The following ARFGAP3 variants were observed in gnomAD, a reference collection of about 807,000 sequenced individuals.
ARFGAP3 encodes the protein ADP-ribosylation factor GTPase-activating protein 3.
A neutral mutation model predicts 75.0 loss-of-function variants in ARFGAP3; 72 were observed. That is an observed-to-expected ratio of 0.96 (90% confidence interval 0.79 to 1.17). ARFGAP3 has a LOEUF of 1.17. Ranked by LOEUF, ARFGAP3 falls within the 50% of genes most tolerant of loss-of-function variation. The pLI is 0.00. For synonymous variants in ARFGAP3, 221 were observed against 217.9 expected (o/e 1.01, Z -0.13); for missense variants, 620 against 626.6 (o/e 0.99, Z 0.11).
rs71186547 is a variant in ARFGAP3, at chr22:42,837,675, C to CTTTTTTTTTTTTTTTTTTTTTTTTTTT, written c.262-2183_262-2182insAAAAAAAAAAAAAAAAAAAAAAAAAAA. The stretch of plus-strand genomic sequence containing the variant: ...GCCTTGAAACATCTAAGGCATACTT[C>CTTTTTTTTTTTTTTTTTTTTTTTTTTT]TTTTTTTTTTTTTTTTTTTTTTGAG... On this transcript the variant is annotated intron_variant, in intron 3 of 15. Transcript: ENST00000263245. Among the ~76,000 whole-genome samples, 18 of 75,662 alleles carry CTTTTTTTTTTTTTTTTTTTTTTTTTTT rather than the reference C, an allele frequency of 2.4e-4. 2 individuals carry two copies. Among genetic ancestry groups the CTTTTTTTTTTTTTTTTTTTTTTTTTTT allele is most frequent in the African/African-American group, 3.1e-4 (5 of 16,054 alleles). 49.6% of individuals were successfully genotyped at this position (75,662 alleles called of 152,430 possible). A position where few individuals can be genotyped will look rare whatever the true frequency, so the allele number is the denominator to read the frequency against.
intron 2 of ARFGAP3, among the ~76,000 whole-genome samples, chr22:42,842,011 C>CTTTTTTTTT (rs55825441): frequency 1.1e-5 from 1 of 91,252 alleles, no homozygotes; most frequent in Non-Finnish European, 2.0e-5. Flanking sequence ...CCATGCCGGG[C>CTTTTTTTTT]TTTTTTTTTT....
intron 2 of ARFGAP3, among the ~76,000 whole-genome samples, chr22:42,841,718 C>T (rs1262677919): frequency 6.6e-6 from 1 of 152,102 alleles, no homozygotes; most frequent in African/African-American, 2.4e-5. Flanking sequence ...TAATAGCTTG[C>T]CCTACACTAA....
intron 2 of ARFGAP3, among the ~76,000 whole-genome samples, chr22:42,842,974 C>T (rs569567403): frequency 2.0e-5 from 3 of 152,146 alleles, no homozygotes; most frequent in African/African-American, 7.2e-5. Context: ...ACACCCTGTA[C>T]GGCAGGTCCT....
chr22:42,849,605 C>T (rs189116924), intron 1 of ARFGAP3, among the ~76,000 whole-genome samples: 127 of 146,930 alleles, frequency 8.6e-4, no homozygotes, highest in East Asian at 7.9e-3. Context: ...GCTCTGTCAC[C>T]TAGGTTGGAG....
At chr22:42,850,296 G>T (rs1266260270) in intron 1 of ARFGAP3, among the ~76,000 whole-genome samples, 1 of 151,954 alleles carries the variant, frequency 6.6e-6, no homozygotes, top group Non-Finnish European at 1.5e-5. Context: ...TATAGGCTGG[G>T]TGCAGTGGCT....
intron 14 of ARFGAP3, among the ~76,000 whole-genome samples, chr22:42,805,214 A>G (rs1194899660): frequency 6.6e-6 from 1 of 152,178 alleles, no homozygotes; most frequent in Admixed American, 6.5e-5. Flanking sequence ...AAAAAATTTA[A>G]TGGATCTTTG....
At chr22:42,829,836 T>C (rs566307073) in intron 6 of ARFGAP3, among the ~76,000 whole-genome samples, 3 of 152,352 alleles carry the variant, frequency 2.0e-5, no homozygotes, top group East Asian at 1.9e-4. Flanking sequence ...CATATTTTCA[T>C]GTAAATCTTT....
At chr22:42,824,807 T>A (rs1320096229) in intron 7 of ARFGAP3, among the ~76,000 whole-genome samples, 1 of 152,214 alleles carries the variant, frequency 6.6e-6, no homozygotes, top group African/African-American at 2.4e-5. Flanking sequence ...GAGCACAGTA[T>A]CCAACAGGAA....
chr22:42,806,392 C>T (rs1422479532), intron 14 of ARFGAP3, among the ~76,000 whole-genome samples: 1 of 152,202 alleles, frequency 6.6e-6, no homozygotes, highest in African/African-American at 2.4e-5. Flanking sequence ...ACAGGCCGCC[C>T]CATCCTAGGC....
intron 12 of ARFGAP3, among the ~76,000 whole-genome samples, chr22:42,810,028 A>T (rs989663783): frequency 1.5e-5 from 2 of 129,272 alleles, no homozygotes; most frequent in Non-Finnish European, 3.3e-5. Context: ...AAAAAAAAAA[A>T]TTGGGGAAAA....
rs754359856 is a variant in ARFGAP3, at chr22:42,823,657, C to T, written c.671G>A (p.Gly224Asp). The T allele has an allele frequency of 2.6e-6, 4 of 1,566,764 alleles. No homozygotes were observed. In the African/African-American group the frequency reaches 5.5e-5, roughly 22 times the overall value. Residue 224 changes from glycine to aspartate, a missense_variant and splice_region_variant, in exon 8 of 16, where the codon GGC (glycine) becomes GAC (aspartate). Coordinates refer to ENST00000263245, the MANE Select transcript of ARFGAP3 (RefSeq NM_014570.5). ...ATATATAAAGTACATAATACTCACG[C>T]CTTTTTTAGCTTGATTTGGTTTCTT... Reference protein sequence around the residue: ...IKKKPNQAKKGLGAKKGSLGA... With the variant: ...IKKKPNQAKKDLGAKKGSLGA...
In ARFGAP3 at chr22:42,817,849, G is replaced by A; in HGVS notation, c.821C>T (p.Ser274Leu). ...VVSKEESIVS[S>L]LRLAYKDLEI... ...AAGATCCTTATAGGCTAATCGTAAT[G>A]ATGAAACACTGCCAGAAAAACCAAA... The change falls in exon 10 of 16, where the codon TCA (serine) becomes TTA (leucine). Residue 274 changes from serine to leucine, a missense_variant. Ser to Leu is a moderately radical substitution (Grantham distance 145). Coordinates refer to ENST00000263245, the MANE Select transcript of ARFGAP3 (RefSeq NM_014570.5). The A allele has an allele frequency of 3.1e-6, 5 of 1,601,794 alleles. No homozygotes were observed. The highest frequency in any genetic ancestry group is 4.3e-6 in the Non-Finnish European group (5 of 1,174,462).
intron 14 of ARFGAP3, among the ~76,000 whole-genome samples, chr22:42,805,246 G>A (rs1474026899): frequency 6.6e-6 from 1 of 152,202 alleles, no homozygotes; most frequent in Non-Finnish European, 1.5e-5. Flanking sequence ...GGAACAGGAA[G>A]GTAAACACAG....
chr22:42,852,788 G>A (rs1485052273), intron 1 of ARFGAP3, among the ~76,000 whole-genome samples: 2 of 151,580 alleles, frequency 1.3e-5, no homozygotes, highest in African/African-American at 2.4e-5. Context: ...CGTGTGAGAT[G>A]GAGTCGCTCT....
intron 5 of ARFGAP3, among the ~76,000 whole-genome samples, chr22:42,833,478 G>T (rs1444266969): frequency 6.6e-6 from 1 of 152,158 alleles, no homozygotes; most frequent in Non-Finnish European, 1.5e-5. Context: ...ATCTGTGGTG[G>T]GGTATGGTGG....
At chr22:42,828,471 G>T (rs557147977) in intron 6 of ARFGAP3, among the ~76,000 whole-genome samples, 8 of 151,892 alleles carry the variant, frequency 5.3e-5, no homozygotes, top group African/African-American at 1.9e-4. Context: ...CAGGAGAATC[G>T]CTTGAACCCG....
chr22:42,821,143 G>C (rs5758955), intron 9 of ARFGAP3, among the ~76,000 whole-genome samples: 99,825 of 152,036 alleles, frequency 0.66, 34,694 homozygotes, highest in African/African-American at 0.88. Context: ...CTGGAGACAC[G>C]ACCAGAGCCA....
At chr22:42,799,261 T>C (rs1924748941) in intron 14 of ARFGAP3, 101 bp from the exon 15 acceptor site, 2 of 1,541,322 alleles carry the variant, frequency 1.3e-6, no homozygotes, top group Non-Finnish European at 1.8e-6. Flanking sequence ...CCCGGATCTC[T>C]CCCCTCCTGC....
intron 8 of ARFGAP3, among the ~76,000 whole-genome samples, chr22:42,823,052 C>T (rs1270768231): frequency 2.0e-5 from 3 of 152,106 alleles, no homozygotes; most frequent in Non-Finnish European, 4.4e-5. Flanking sequence ...TCAAGTGATC[C>T]ACCTGCCTCG....
Sources: allele counts gnomAD v4.1 joint callset (sites outside exome capture counted in the v4.1 genomes callset), GRCh38; gene constraint gnomAD v4.1.1; transcripts MANE v1.5; gene names NCBI Gene and HGNC (gene_info 2026-07-23, HGNC 2026-07-21).